Variants in UBAC2 observed in about 807,000 individuals in gnomAD.
The protein encoded by UBAC2 is UBA domain containing 2, also known as ubiquitin-associated domain-containing protein 2.
In UBAC2, 26 loss-of-function variants were observed where a neutral mutation model predicts 44.0. The ratio of observed to expected loss-of-function variants is 0.59; its 90% CI spans 0.43 to 0.82. The LOEUF (loss-of-function observed/expected upper bound fraction) is 0.82, where lower values mean the gene tolerates loss of function less well. UBAC2 is among the 40% of genes least tolerant of loss of function. UBAC2 has a pLI of 0.00. For missense variants in UBAC2, 329 were observed against 419.4 expected, an observed-to-expected ratio of 0.78 and a Z score of 1.88; for synonymous variants, 155 against 154.3, an observed-to-expected ratio of 1.00 and a Z score of -0.04.
intron 4 of UBAC2, among the ~76,000 whole-genome samples, chr13:99,305,421 C>T (rs2044318915): frequency 6.6e-6 from 1 of 152,180 alleles, no homozygotes; most frequent in South Asian, 2.1e-4. Flanking sequence ...CAGGTCTTAA[C>T]CATAGCAGAG....
At chr13:99,347,754 C>T (rs904287421) in intron 7 of UBAC2, among the ~76,000 whole-genome samples, 2 of 150,496 alleles carry the variant, frequency 1.3e-5, no homozygotes, top group South Asian at 2.1e-4. Flanking sequence ...CATGTGATAA[C>T]GTCATCTAGT....
At chr13:99,384,685 G>C (rs1383179706) in intron 8 of UBAC2, among the ~76,000 whole-genome samples, 4 of 152,278 alleles carry the variant, frequency 2.6e-5, no homozygotes, top group African/African-American at 9.6e-5. Context: ...GTGACGCCAG[G>C]AGTGCGATGC....
At chr13:99,207,141 T>G (rs763320996) in intron 1 of UBAC2, among the ~76,000 whole-genome samples, 35 of 152,218 alleles carry the variant, frequency 2.3e-4, no homozygotes, top group Non-Finnish European at 3.7e-4. Context: ...CTCCCTGAGT[T>G]GGGAGTCTTT....
At chr13:99,235,379 G>T (rs2043221760) in intron 1 of UBAC2, among the ~76,000 whole-genome samples, 1 of 152,002 alleles carries the variant, frequency 6.6e-6, no homozygotes, top group South Asian at 2.1e-4. Context: ...CAGATTCAAT[G>T]CAATCCTCTC....
intron 7 of UBAC2, among the ~76,000 whole-genome samples, chr13:99,341,331 T>A (rs1047901710): frequency 2.6e-5 from 4 of 151,254 alleles, no homozygotes; most frequent in Non-Finnish European, 5.9e-5. Flanking sequence ...GAAGTAGGTC[T>A]GCAGATCTCA....
At chr13:99,325,586 A>G (rs1286368610) in intron 6 of UBAC2, among the ~76,000 whole-genome samples, 1 of 152,144 alleles carries the variant, frequency 6.6e-6, no homozygotes, top group Non-Finnish European at 1.5e-5. Flanking sequence ...TTTTTAAGTG[A>G]CAGTTTATAA....
chr13:99,281,641 G>A (rs1378777472), intron 4 of UBAC2, among the ~76,000 whole-genome samples: 1 of 152,178 alleles, frequency 6.6e-6, no homozygotes, highest in Non-Finnish European at 1.5e-5. Flanking sequence ...GAAAAATCAT[G>A]ATGTTAGAAG....
At chr13:99,200,985 C>G (rs1318969632) in intron 1 of UBAC2, 46 bp downstream of exon 1, 1 of 1,298,764 alleles carries the variant, frequency 7.7e-7, no homozygotes, top group Non-Finnish European at 9.8e-7. Context: ...ACACGCCACC[C>G]TAGGCACCTC....
chr13:99,377,750 T>C (rs1370278119), intron 8 of UBAC2: 1 of 152,218 alleles, frequency 6.6e-6, no homozygotes, highest in African/African-American at 2.4e-5. Context: ...CTGCCCTCCA[T>C]AGGAGAATAG....
At chr13:99,236,061 G>T (rs1204921995) in intron 1 of UBAC2, among the ~76,000 whole-genome samples, 1 of 152,174 alleles carries the variant, frequency 6.6e-6, no homozygotes, top group Non-Finnish European at 1.5e-5. Flanking sequence ...AATCGAAATG[G>T]ATTAAAGACT....
intron 1 of UBAC2, among the ~76,000 whole-genome samples, chr13:99,214,619 G>A (rs148862700): frequency 4.0e-4 from 61 of 152,108 alleles, no homozygotes; most frequent in African/African-American, 1.3e-3. Context: ...CTCCTTGTCC[G>A]TTCCCCGTCA....
intron 1 of UBAC2, among the ~76,000 whole-genome samples, chr13:99,226,682 C>T (rs2043113627): frequency 1.3e-5 from 2 of 152,198 alleles, no homozygotes; most frequent in African/African-American, 4.8e-5. Flanking sequence ...ACTTGTTTGA[C>T]GTTAGCTCCC....
intron 2 of UBAC2, among the ~76,000 whole-genome samples, chr13:99,241,742 ACTT>A (rs2043302644): frequency 7.0e-6 from 1 of 143,680 alleles, no homozygotes; most frequent in Non-Finnish European, 1.6e-5. Flanking sequence ...TTTTTTTTCA[ACTT>A]TTTTTTTTTT....
At chr13:99,338,047 C>CTTTTCTTTTTT (rs2044820894) in intron 6 of UBAC2, among the ~76,000 whole-genome samples, 4 of 48,854 alleles carry the variant, frequency 8.2e-5, no homozygotes, top group African/African-American at 2.8e-4. Flanking sequence ...TTCTTTTTTT[C>CTTTTCTTTTTT]TTTTTTTTTT....
At chr13:99,243,233 C>CTTTTTTTTTTTTTTTTT (rs773750160) in intron 2 of UBAC2, among the ~76,000 whole-genome samples, 1 of 94,254 alleles carries the variant, frequency 1.1e-5, no homozygotes, top group Non-Finnish European at 2.1e-5. Flanking sequence ...TTGAGTAGCT[C>CTTTTTTTTTTTTTTTTT]TTTTTTTTTT....
At chr13:99,274,306 T>C (rs2043854740) in intron 4 of UBAC2, among the ~76,000 whole-genome samples, 1 of 152,150 alleles carries the variant, frequency 6.6e-6, no homozygotes, top group African/African-American at 2.4e-5. Context: ...TATTTTGGTG[T>C]GTGAATACCA....
chr13:99,277,629 T>G (rs1447480025), intron 4 of UBAC2, among the ~76,000 whole-genome samples: 2 of 152,242 alleles, frequency 1.3e-5, no homozygotes, highest in Non-Finnish European at 2.9e-5. Flanking sequence ...TCTCCATTGA[T>G]AGTTACCTCT....
At chr13:99,259,732 GACC>G (rs144319206) in intron 4 of UBAC2, among the ~76,000 whole-genome samples, 133 of 152,332 alleles carry the variant, frequency 8.7e-4, no homozygotes, top group African/African-American at 3.1e-3. Context: ...CCTGCATGCA[GACC>G]TAATCTGTCC....
At chr13:99,344,117 C>T (rs1346534716) in intron 7 of UBAC2, among the ~76,000 whole-genome samples, 1 of 152,180 alleles carries the variant, frequency 6.6e-6, no homozygotes, top group Non-Finnish European at 1.5e-5. Context: ...ATAGTAAGTA[C>T]TCAGTATATG....
Sources: gnomAD v4.1 joint callset for allele counts (sites outside exome capture counted in the v4.1 genomes callset) on GRCh38, gnomAD v4.1.1 for gene constraint, MANE v1.5 for transcripts, NCBI Gene and HGNC (gene_info 2026-07-23, HGNC 2026-07-21) for gene names.